The following KCTD7 variants were observed in gnomAD, a reference collection of about 807,000 sequenced individuals.
KCTD7 encodes BTB/POZ domain-containing protein KCTD7.
A neutral mutation model predicts 27.0 loss-of-function variants in KCTD7; 15 were observed. The ratio of observed to expected loss-of-function variants is 0.56; its 90% CI spans 0.37 to 0.86. KCTD7 has a LOEUF of 0.86. KCTD7 is among the 40% of genes least tolerant of loss of function. The pLI is 0.00. For missense variants in KCTD7, 299 were observed against 398.9 expected (o/e 0.75, Z 2.13); for synonymous variants, 159 against 162.7 (o/e 0.98, Z 0.17).
chr7:66,636,590 G>A (rs554771181), intron 2 of KCTD7, among the ~76,000 whole-genome samples: 2 of 151,850 alleles, frequency 1.3e-5, no homozygotes, highest in East Asian at 3.9e-4. Flanking sequence ...CCGCACGTAC[G>A]GGTGATGTAT....
intron 1 of KCTD7, 78 bp downstream of exon 1, chr7:66,629,286 G>T: frequency 9.6e-7 from 1 of 1,041,042 alleles, no homozygotes; most frequent in Admixed American, 4.6e-5. Flanking sequence ...AGCGGTCCTC[G>T]GCGGGTGGGC....
At chr7:66,630,783 T>C (rs1786425698) in intron 1 of KCTD7, among the ~76,000 whole-genome samples, 1 of 152,134 alleles carries the variant, frequency 6.6e-6, no homozygotes, top group African/African-American at 2.4e-5. Context: ...AGACCACAGA[T>C]TGCAGACCAG....
rs1339451324 is a variant in KCTD7, at chr7:66,640,213, C to G, written c.*981C>G. On this transcript the variant is annotated 3_prime_UTR_variant, in exon 4 of 4. Transcript: ENST00000639828. ...TAACATTCTCCTTCTAGGAGAGCCT[C>G]TCTTCTGAGAAGGTAAAGGAAGGGC... The G allele has an allele frequency of 2.1e-6, 3 of 1,447,514 alleles. No individual in the cohort carries two copies. Among genetic ancestry groups the G allele is most frequent in the East Asian group, 2.5e-5 (1 of 40,276 alleles). The allele number at this position is 1,447,514 out of a possible 1,614,324, so 89.7% of individuals were successfully genotyped here.
chr7:66,638,646 C>A, intron 3 of KCTD7: 1 of 771,366 alleles, frequency 1.3e-6, no homozygotes, highest in Non-Finnish European at 2.1e-6. Context: ...TTCAGAAGGA[C>A]AGCCCTCGTC....
chr7:66,640,478 G>A lies in KCTD7; in HGVS notation c.*1246G>A. The A allele has an allele frequency of 6.5e-7, 1 of 1,535,468 alleles. No individual in the cohort carries two copies. Among genetic ancestry groups the A allele is most frequent in the Non-Finnish European group, 8.7e-7 (1 of 1,146,230 alleles). ...AGCCTAGGCCAACTAGTCAGGGTCT[G>A]GACATGCATCTCCTAAAGGAAGAAC... On this transcript the variant is annotated 3_prime_UTR_variant, in exon 4 of 4. Coordinates refer to ENST00000639828, the MANE Select transcript of KCTD7 (RefSeq NM_153033.5).
At chr7:66,632,160 A>G (rs1302736024) in intron 1 of KCTD7, among the ~76,000 whole-genome samples, 6 of 152,200 alleles carry the variant, frequency 3.9e-5, no homozygotes, top group Admixed American at 2.6e-4. Context: ...AGATGCCACT[A>G]AACTGTATGG....
At chr7:66,632,264 G>A (rs1203460157) in intron 1 of KCTD7, among the ~76,000 whole-genome samples, 1 of 151,860 alleles carries the variant, frequency 6.6e-6, no homozygotes, top group African/African-American at 2.4e-5. Flanking sequence ...AAGGCGGGCG[G>A]ATCATGAGGT....
At chr7:66,629,548 G>A (rs1786400805) in intron 1 of KCTD7, among the ~76,000 whole-genome samples, 1 of 152,038 alleles carries the variant, frequency 6.6e-6, no homozygotes, top group Admixed American at 6.6e-5. Context: ...AGCCCCGAGA[G>A]CTGATGGTGT....
At position 66,633,425 on chromosome 7, in the gene KCTD7, C is replaced by G; in HGVS notation, c.295C>G (p.Arg99Gly). The change falls in exon 2 of 4, where the codon CGA (arginine) becomes GGA (glycine). Residue 99 changes from arginine (R) to glycine (G), a missense_variant. Arg to Gly is a moderately radical substitution (Grantham distance 125). Coordinates refer to ENST00000639828, the MANE Select transcript of KCTD7 (RefSeq NM_153033.5). ...TDSEGRYFID[R>G]DGTHFGDVLN... ...CTCCGAGGGCCGGTACTTCATCGACCGAGATGGCACACACTTTGGGTATGT... is the reference window on the plus strand; with the variant it reads ...CTCCGAGGGCCGGTACTTCATCGACGGAGATGGCACACACTTTGGGTATGT... 6.2e-7 allele frequency: 1 copy of G among 1,614,114 alleles called. No individual in the cohort carries two copies. Among genetic ancestry groups the G allele is most frequent in the Non-Finnish European group, 8.5e-7 (1 of 1,180,012 alleles).
chr7:66,641,079 GA>G lies in KCTD7; in HGVS notation c.*1851del, dbSNP rs1786704260. The G allele has an allele frequency of 1.0e-6, 1 of 985,272 alleles. No homozygotes were observed. Among genetic ancestry groups the G allele is most frequent in the Non-Finnish European group, 1.2e-6 (1 of 829,842 alleles). The allele number at this position is 985,272 out of a possible 1,614,324, so 61.0% of individuals were successfully genotyped here. A position where few individuals can be genotyped will look rare whatever the true frequency, so the allele number is the denominator to read the frequency against. ...CTCCTGTTGTACTCTTTTAGAGGTG[GA>G]AAAGAGGTGGATACTGAGATCTAAG... On this transcript the variant is annotated 3_prime_UTR_variant, in exon 4 of 4. Coordinates refer to ENST00000639828, the MANE Select transcript of KCTD7 (RefSeq NM_153033.5).
In KCTD7 at chr7:66,640,275, A is replaced by T; in HGVS notation, c.*1043A>T. 6.6e-7 allele frequency: 1 copy of T among 1,510,542 alleles called. No homozygotes were observed. The highest frequency in any genetic ancestry group is 8.8e-7 in the Non-Finnish European group (1 of 1,133,980). The allele number at this position is 1,510,542 out of a possible 1,614,324, so 93.6% of individuals were successfully genotyped here. A position where few individuals can be genotyped will look rare whatever the true frequency, so the allele number is the denominator to read the frequency against. On this transcript the variant is annotated 3_prime_UTR_variant, in exon 4 of 4. Coordinates refer to ENST00000639828, the MANE Select transcript of KCTD7 (RefSeq NM_153033.5). ...CACAGCTATCCTAGGAGCCGTAGGA[A>T]GACAAAACTTCCCTTTTGTTTTACT...
chr7:66,640,167 A>C lies in KCTD7; in HGVS notation c.*935A>C. 1 of 1,399,990 alleles carries C rather than the reference A, an allele frequency of 7.1e-7. No individual in the cohort carries two copies. Among genetic ancestry groups the C allele is most frequent in the South Asian group, 1.8e-5 (1 of 56,618 alleles). The allele number at this position is 1,399,990 out of a possible 1,614,324, so 86.7% of individuals were successfully genotyped here. A position where few individuals can be genotyped will look rare whatever the true frequency, so the allele number is the denominator to read the frequency against. On this transcript the variant is annotated 3_prime_UTR_variant, in exon 4 of 4. Transcript: ENST00000639828. ...TTTGGAAGGGGACCCCCTCTCTTTAAACCCTGTTCCTCTGTCCTGGTAACA... is the reference window on the plus strand; with the variant it reads ...TTTGGAAGGGGACCCCCTCTCTTTACACCCTGTTCCTCTGTCCTGGTAACA...
intron 2 of KCTD7, among the ~76,000 whole-genome samples, chr7:66,634,192 T>TTCTA (rs3069694): frequency 0.13 from 18,773 of 139,798 alleles, 1,671 homozygotes; most frequent in African/African-American, 0.25. Context: ...ATGTGTGTGA[T>TTCTA]TCTATCTATC....
In KCTD7 at chr7:66,640,602, ATT is replaced by A; in HGVS notation, c.*1380_*1381del. 1.9e-5 allele frequency: 20 copies of A among 1,045,282 alleles called. No homozygotes were observed. The highest frequency in any genetic ancestry group is 7.5e-5 in the Admixed American group (2 of 26,562). 64.8% of individuals were successfully genotyped at this position (1,045,282 alleles called of 1,614,324 possible). A position where few individuals can be genotyped will look rare whatever the true frequency, so the allele number is the denominator to read the frequency against. ...CCTGTCTCTTCCTGGGTAAAGGGAG[ATT>A]TTTTTTTTTAATGTGTAAAGAATTG... On this transcript the variant is annotated 3_prime_UTR_variant, in exon 4 of 4. Transcript: ENST00000639828.
rs974603287 is a variant in KCTD7 at position 66,641,955 on chromosome 7, G to C, written c.*2723G>C. ...AAAGCTTCTCCCTGATCATAAGGAA[G>C]TGCATCTTTATAGAATTGTTGTGCA... is the stretch of plus-strand genomic sequence containing the variant. On this transcript the variant is annotated 3_prime_UTR_variant, in exon 4 of 4. Coordinates refer to ENST00000639828, the MANE Select transcript of KCTD7 (RefSeq NM_153033.5). The C allele has an allele frequency of 1.0e-6, 1 of 985,294 alleles. No individual in the cohort carries two copies. The highest frequency in any genetic ancestry group is 1.7e-5 in the African/African-American group (1 of 57,226). The allele number at this position is 985,294 out of a possible 1,614,324, so 61.0% of individuals were successfully genotyped here. A position where few individuals can be genotyped will look rare whatever the true frequency, so the allele number is the denominator to read the frequency against.
chr7:66,633,486 G>A (rs1390604231), intron 2 of KCTD7, 42 bp downstream of exon 2: 2 of 1,595,528 alleles, frequency 1.3e-6, no homozygotes, highest in African/African-American at 1.3e-5. Context: ...GTCCTAGCAG[G>A]TGATTAGCGT....
Position 66,638,920 on chromosome 7 carries a change from C to A in KCTD7, c.558C>A (p.Ala186=). 6.2e-7 allele frequency: 1 copy of A among 1,614,186 alleles called. No individual in the cohort carries two copies. The highest frequency in any genetic ancestry group is 8.5e-7 in the Non-Finnish European group (1 of 1,180,030). The stretch of plus-strand genomic sequence containing the variant: ...CGGTCCAGCGGAAGGCCCGCTTTGC[C>A]AAGCTCAAGGTCTGTGTCTTCAAGG... ...LRAVQRKARF[A]KLKVCVFKEE... Residue 186 remains alanine (A), a synonymous_variant, in exon 4 of 4, where the codon GCC becomes GCA. Transcript: ENST00000639828.
At chr7:66,633,496 T>C (rs1786504690) in intron 2 of KCTD7, 52 bp downstream of exon 2, 1 of 1,538,690 alleles carries the variant, frequency 6.5e-7, no homozygotes, top group Non-Finnish European at 9.0e-7. Flanking sequence ...GTGATTAGCG[T>C]AGGCTTGAGT....
At position 66,640,286 on chromosome 7, in the gene KCTD7, C is replaced by A. The variant is rs1786685958; in HGVS notation, c.*1054C>A. ...TAGGAGCCGTAGGAAGACAAAACTT[C>A]CCTTTTGTTTTACTCCTCACTCCTC... On this transcript the variant is annotated 3_prime_UTR_variant, in exon 4 of 4. Coordinates refer to ENST00000639828, the MANE Select transcript of KCTD7 (RefSeq NM_153033.5). 1 of 1,518,554 alleles carries A rather than the reference C, an allele frequency of 6.6e-7. No homozygotes were observed. The highest frequency in any genetic ancestry group is 8.8e-7 in the Non-Finnish European group (1 of 1,137,398). 94.1% of individuals were successfully genotyped at this position (1,518,554 alleles called of 1,614,324 possible).
Sources: gnomAD v4.1 joint callset for allele counts (sites outside exome capture counted in the v4.1 genomes callset) on GRCh38, gnomAD v4.1.1 for gene constraint, MANE v1.5 for transcripts, NCBI Gene and HGNC (gene_info 2026-07-23, HGNC 2026-07-21) for gene names.